Variants in FAM167A observed in about 807,000 individuals in gnomAD.
The protein encoded by FAM167A is family with sequence similarity 167 member A, also known as protein FAM167A.
FAM167A carries 23 observed loss-of-function variants against 14.9 expected under a neutral mutation model. That is an observed-to-expected ratio of 1.55 (90% CI 1.11 to 2.19). The LOEUF is 2.19. FAM167A is among the 30% of genes most tolerant of loss of function. The pLI, the probability that FAM167A is intolerant of heterozygous loss-of-function variation, is 0.00. For synonymous variants in FAM167A, 174 were observed against 117.7 expected (o/e 1.48, Z -3.10); for missense variants, 401 against 281.5 (o/e 1.42, Z -3.04).
chr8:11,431,532 TA>T (rs1805590643), intron 2 of FAM167A, among the ~76,000 whole-genome samples: 1 of 152,238 alleles, frequency 6.6e-6, no homozygotes, highest in South Asian at 2.1e-4. Context: ...TTTTATATTA[TA>T]CATATTTTAC....
chr8:11,424,238 T>C lies in FAM167A; in HGVS notation c.*135A>G, dbSNP rs1804968153. On this transcript the variant is annotated 3_prime_UTR_variant, in exon 3 of 3. Coordinates refer to ENST00000284486, the MANE Select transcript of FAM167A (RefSeq NM_053279.3). The stretch of plus-strand genomic sequence containing the variant: ...TGGGAGAGCACCACTGAATAGGTCC[T>C]GGGGCCCTTGAGTCGCCAGTCCCAG... 3.4e-6 allele frequency: 4 copies of C among 1,168,290 alleles called. No individual in the cohort carries two copies. The African/African-American group carries it at 6.2e-5, about 18-fold the overall frequency. 72.4% of individuals were successfully genotyped at this position (1,168,290 alleles called of 1,614,324 possible).
intron 1 of FAM167A, among the ~76,000 whole-genome samples, chr8:11,466,027 C>A (rs1000616636): frequency 6.6e-6 from 1 of 152,184 alleles, no homozygotes; most frequent in African/African-American, 2.4e-5. Context: ...CTCCCCCCCG[C>A]CGTCTGTGCT....
At chr8:11,475,172 C>G (rs893346484) in intron 1 of FAM167A, among the ~76,000 whole-genome samples, 2 of 152,194 alleles carry the variant, frequency 1.3e-5, no homozygotes, top group Admixed American at 1.3e-4. Context: ...CAAGGCCCAC[C>G]GTGGTGCCCC....
rs1806684888 is a variant in FAM167A, at chr8:11,444,812, TG to T, written c.-397-5del. On this transcript the variant is annotated splice_polypyrimidine_tract_variant and splice_region_variant and intron_variant, in intron 1 of 2. Transcript: ENST00000284486. ...GAAGGGCAGGTGGCTGGAGACCCTG[TG>T]GGAGGGATGAGAACCGCATCAGTCC... 3.9e-5 allele frequency: 39 copies of T among 1,001,824 alleles called. No homozygotes were observed. Among genetic ancestry groups the T allele is most frequent in the Non-Finnish European group, 4.5e-5 (38 of 840,654 alleles). The allele number at this position is 1,001,824 out of a possible 1,614,324, so 62.1% of individuals were successfully genotyped here.
chr8:11,428,886 C>G (rs950245169), intron 2 of FAM167A, among the ~76,000 whole-genome samples: 1 of 152,200 alleles, frequency 6.6e-6, no homozygotes, highest in African/African-American at 2.4e-5. Flanking sequence ...CGAGTTCCCA[C>G]AGACTCTGAA....
chr8:11,454,038 T>G (rs545627634), intron 1 of FAM167A, among the ~76,000 whole-genome samples: 2 of 152,218 alleles, frequency 1.3e-5, no homozygotes, highest in African/African-American at 4.8e-5. Context: ...TCTGCAGGTA[T>G]AACTGGGTTC....
At position 11,424,377 on chromosome 8, in the gene FAM167A, CAG is replaced by C. The variant is rs771433749; in HGVS notation, c.639_640del (p.Cys214LeufsTer140). On this transcript the variant is annotated frameshift_variant, in exon 3 of 3. Coordinates refer to ENST00000284486, the MANE Select transcript of FAM167A (RefSeq NM_053279.3). LOFTEE classifies it high-confidence loss of function. ...TCCGCCCAGTCTGAGGGCTCCTCAG[CAG>C]AGAGAGAACCTCCGAGAGTTGATGT... 1 of 1,614,052 alleles carries C rather than the reference CAG, an allele frequency of 6.2e-7. No individual in the cohort carries two copies. Among genetic ancestry groups the C allele is most frequent in the Non-Finnish European group, 8.5e-7 (1 of 1,179,994 alleles).
chr8:11,436,175 G>A (rs1805995565), intron 2 of FAM167A, among the ~76,000 whole-genome samples: 1 of 152,230 alleles, frequency 6.6e-6, no homozygotes, highest in Non-Finnish European at 1.5e-5. Context: ...ATCACCAAGT[G>A]TTGCCAACGT....
intron 1 of FAM167A, chr8:11,445,594 T>G: frequency 5.1e-6 from 5 of 985,506 alleles, no homozygotes; most frequent in Non-Finnish European, 6.0e-6. Flanking sequence ...ACTTCAGCTA[T>G]GGGATCTGAT....
intron 1 of FAM167A, among the ~76,000 whole-genome samples, chr8:11,460,479 G>A (rs1224037983): frequency 6.6e-6 from 1 of 152,192 alleles, no homozygotes; most frequent in Non-Finnish European, 1.5e-5. Context: ...CACGGGGCCA[G>A]GGAGTAGAGG....
At chr8:11,446,916 C>G (rs1053253650) in intron 1 of FAM167A, among the ~76,000 whole-genome samples, 3 of 152,208 alleles carry the variant, frequency 2.0e-5, no homozygotes, top group Non-Finnish European at 4.4e-5. Flanking sequence ...GGCAGGGGAG[C>G]TCTGATTAGA....
At chr8:11,432,759 C>T (rs984867537) in intron 2 of FAM167A, among the ~76,000 whole-genome samples, 4 of 152,214 alleles carry the variant, frequency 2.6e-5, no homozygotes, top group Admixed American at 6.5e-5. Flanking sequence ...AAGACACATG[C>T]ACACGTATGT....
intron 2 of FAM167A, among the ~76,000 whole-genome samples, chr8:11,437,534 T>A (rs1345458975): frequency 1.3e-5 from 2 of 152,248 alleles, no homozygotes; most frequent in African/African-American, 2.4e-5. Flanking sequence ...GACTTGAAGT[T>A]GAATCTAATT....
intron 1 of FAM167A, among the ~76,000 whole-genome samples, chr8:11,472,638 C>A (rs533735856): frequency 1.4e-4 from 22 of 152,172 alleles, no homozygotes; most frequent in African/African-American, 5.3e-4. Context: ...GCCTTCTAGA[C>A]GTGATTCTAA....
chr8:11,452,262 C>T lies in FAM167A; in HGVS notation c.-397-7454G>A, dbSNP rs146154819. Reference sequence around the variant, plus strand: ...CTTGATGAGGACAGAATGACAATTTCGCATATGAGTGAATTTATCCTTGCT... The same window carrying T: ...CTTGATGAGGACAGAATGACAATTTTGCATATGAGTGAATTTATCCTTGCT... On this transcript the variant is annotated intron_variant, in intron 1 of 2. Coordinates refer to ENST00000284486, the MANE Select transcript of FAM167A (RefSeq NM_053279.3). 1.6e-3 allele frequency among the ~76,000 whole-genome samples: 249 copies of T among 152,330 alleles called. 2 individuals carry two copies. Among genetic ancestry groups the T allele is most frequent in the Non-Finnish European group, 3.1e-3 (210 of 68,034 alleles).
chr8:11,448,969 C>T (rs1806908552), intron 1 of FAM167A, among the ~76,000 whole-genome samples: 1 of 152,236 alleles, frequency 6.6e-6, no homozygotes, highest in African/African-American at 2.4e-5. Flanking sequence ...CTGTACCCAC[C>T]TGAATAGGCG....
intron 2 of FAM167A, chr8:11,435,037 CA>C (rs1563365822): frequency 4.4e-6 from 2 of 456,902 alleles, no homozygotes; most frequent in Middle Eastern, 3.3e-4. Context: ...CTCCCCCCCT[CA>C]CTCAATCTGT....
intron 2 of FAM167A, among the ~76,000 whole-genome samples, chr8:11,425,678 G>T (rs1805086604): frequency 6.6e-6 from 1 of 151,242 alleles, no homozygotes. Context: ...ACCCCCCCTT[G>T]CTGTTGGAGT....
At chr8:11,458,860 A>G (rs1203355378) in intron 1 of FAM167A, among the ~76,000 whole-genome samples, 2 of 152,166 alleles carry the variant, frequency 1.3e-5, no homozygotes, top group Non-Finnish European at 2.9e-5. Context: ...GCAGAACCTA[A>G]AGAGCTGAAC....
Sources: allele counts gnomAD v4.1 joint callset (sites outside exome capture counted in the v4.1 genomes callset), GRCh38; gene constraint gnomAD v4.1.1; transcripts MANE v1.5; gene names NCBI Gene and HGNC (gene_info 2026-07-23, HGNC 2026-07-21).